SLC30A7: variants seen among roughly 807,000 people sequenced by gnomAD.
SLC30A7 encodes zinc transporter 7.
SLC30A7 carries 35 observed loss-of-function variants against 46.0 expected under a neutral mutation model. That is an observed-to-expected ratio of 0.76 (90% CI 0.58 to 1.01). The LOEUF (loss-of-function observed/expected upper bound fraction) is 1.01, where lower values mean the gene tolerates loss of function less well. Among genes scored for constraint, SLC30A7 ranks in the 50% least tolerant of loss-of-function variants. The probability of loss-of-function intolerance (pLI) is 0.00; values close to 1 mark genes in which losing one functional copy is unlikely to be tolerated. For missense variants in SLC30A7, 464 were observed against 451.1 expected, an observed-to-expected ratio of 1.03 and a Z score of -0.26; for synonymous variants, 147 against 157.8, an observed-to-expected ratio of 0.93 and a Z score of 0.51.
At chr1:100,932,978 C>CTTTTTTT (rs995801710) in intron 8 of SLC30A7, among the ~76,000 whole-genome samples, 11 of 138,070 alleles carry the variant, frequency 8.0e-5, no homozygotes, top group East Asian at 2.1e-4. Flanking sequence ...TTTCTTTTTT[C>CTTTTTTT]TTTTTTTTTT....
In SLC30A7 at chr1:100,976,713, TAG is replaced by T. The variant is rs1295514246; in HGVS notation, c.*1859_*1860del. ...AGAAATCCCTGTTGATTCTAAGTTT[TAG>T]AGTGTCTTTTCCCCTATTTCTGACC... is the stretch of plus-strand genomic sequence containing the variant. On this transcript the variant is annotated 3_prime_UTR_variant, in exon 11 of 11. Coordinates refer to ENST00000357650, the MANE Select transcript of SLC30A7 (RefSeq NM_133496.5). 1 of 152,680 alleles carries T rather than the reference TAG, an allele frequency of 6.5e-6. No individual in the cohort carries two copies. Among genetic ancestry groups the T allele is most frequent in the Non-Finnish European group, 1.5e-5 (1 of 68,048 alleles). 9.5% of individuals were successfully genotyped at this position (152,680 alleles called of 1,614,324 possible). A position where few individuals can be genotyped will look rare whatever the true frequency, so the allele number is the denominator to read the frequency against.
intron 8 of SLC30A7, among the ~76,000 whole-genome samples, chr1:100,958,638 A>T (rs1655368068): frequency 6.6e-6 from 1 of 152,160 alleles, no homozygotes; most frequent in Non-Finnish European, 1.5e-5. Flanking sequence ...ATGATTCCAT[A>T]TATTATTTAA....
chr1:100,921,667 C>T, intron 7 of SLC30A7, 39 bp from the exon 8 acceptor site: 1 of 1,543,456 alleles, frequency 6.5e-7, no homozygotes, highest in Non-Finnish European at 8.9e-7. Flanking sequence ...TTAAATTAAC[C>T]AAAAGACTGT....
chr1:100,967,990 G>T (rs982867002), intron 10 of SLC30A7, among the ~76,000 whole-genome samples: 1 of 152,056 alleles, frequency 6.6e-6, no homozygotes, highest in Non-Finnish European at 1.5e-5. Flanking sequence ...TCATGTTGAA[G>T]GATTTAATGG....
intron 6 of SLC30A7, among the ~76,000 whole-genome samples, chr1:100,915,664 T>C (rs1042313925): frequency 6.6e-6 from 1 of 152,222 alleles, no homozygotes; most frequent in African/African-American, 2.4e-5. Flanking sequence ...ACCACATTGC[T>C]TTATCCATTC....
downstream of SLC30A7, among the ~76,000 whole-genome samples, chr1:100,986,598 T>C (rs1570626101): frequency 6.6e-6 from 1 of 152,206 alleles, no homozygotes; most frequent in East Asian, 1.9e-4. Flanking sequence ...AACCATGTGA[T>C]CCAGCAATCC....
At chr1:100,988,870 A>G in the SLC30A7 span, among the ~76,000 whole-genome samples, 1 of 151,930 alleles carries the variant, frequency 6.6e-6, no homozygotes, top group Non-Finnish European at 1.5e-5. Flanking sequence ...AAATAAATAA[A>G]TAAAAAATAA....
chr1:100,955,597 A>C (rs962918784), intron 8 of SLC30A7, among the ~76,000 whole-genome samples: 3 of 152,082 alleles, frequency 2.0e-5, no homozygotes, highest in Non-Finnish European at 2.9e-5. Context: ...TGTAGCTCTA[A>C]GTCTTAGCTC....
At chr1:100,953,737 C>T (rs1407627521) in intron 8 of SLC30A7, among the ~76,000 whole-genome samples, 1 of 152,014 alleles carries the variant, frequency 6.6e-6, no homozygotes, top group African/African-American at 2.4e-5. Flanking sequence ...AGCTTTTTGC[C>T]CAATACTGTA....
intron 2 of SLC30A7, among the ~76,000 whole-genome samples, chr1:100,904,965 T>G (rs975462342): frequency 1.3e-5 from 2 of 152,216 alleles, no homozygotes; most frequent in African/African-American, 4.8e-5. Context: ...ACAACTTTCC[T>G]TCTCCATTCT....
intron 6 of SLC30A7, among the ~76,000 whole-genome samples, chr1:100,917,265 G>T (rs933641713): frequency 2.0e-5 from 3 of 152,170 alleles, no homozygotes; most frequent in African/African-American, 7.2e-5. Context: ...CCATACAGCA[G>T]TACAATATCT....
chr1:100,964,635 A>G (rs1476668315), intron 9 of SLC30A7, among the ~76,000 whole-genome samples: 1 of 152,130 alleles, frequency 6.6e-6, no homozygotes, highest in East Asian at 1.9e-4. Context: ...AATTTGTAAA[A>G]TTAAGCCAGT....
chr1:100,909,211 A>G (rs1285342788), intron 3 of SLC30A7, among the ~76,000 whole-genome samples: 1 of 152,156 alleles, frequency 6.6e-6, no homozygotes, highest in Non-Finnish European at 1.5e-5. Flanking sequence ...CATGTTAAGC[A>G]TAGGGTTGAA....
At chr1:100,905,531 A>T (rs1651600100) in intron 2 of SLC30A7, among the ~76,000 whole-genome samples, 1 of 151,760 alleles carries the variant, frequency 6.6e-6, no homozygotes, top group African/African-American at 2.4e-5. Flanking sequence ...CTCTAAATAC[A>T]TGTATTTTAG....
chr1:100,910,668 A>T (rs969894487), intron 3 of SLC30A7, among the ~76,000 whole-genome samples: 1 of 152,120 alleles, frequency 6.6e-6, no homozygotes, highest in African/African-American at 2.4e-5. Context: ...TAATAAGTTT[A>T]AAAAACCCCC....
chr1:100,944,404 GT>G (rs1654511697), intron 8 of SLC30A7, among the ~76,000 whole-genome samples: 1 of 151,990 alleles, frequency 6.6e-6, no homozygotes. Flanking sequence ...TCAAAGAAAA[GT>G]AAGTCAAAAA....
In SLC30A7 at chr1:100,910,984, C is replaced by T. The variant is rs1652050687; in HGVS notation, c.297-79C>T. 18 of 1,130,600 alleles carry T rather than the reference C, an allele frequency of 1.6e-5. No individual in the cohort carries two copies. In the South Asian group the frequency reaches 2.4e-4, roughly 15 times the overall value. 70.0% of individuals were successfully genotyped at this position (1,130,600 alleles called of 1,614,324 possible). ...ATAACCATGTAATATGGTTTGGAAT[C>T]TCTGAATGTATGTAATTTTACGATT... On this transcript the variant is annotated intron_variant, in intron 3 of 10. Transcript: ENST00000357650.
chr1:100,905,357 T>G (rs1457399608), intron 2 of SLC30A7, among the ~76,000 whole-genome samples: 3 of 152,130 alleles, frequency 2.0e-5, no homozygotes, highest in Non-Finnish European at 4.4e-5. Context: ...TTCTCTTTGA[T>G]GTTTAGTGGT....
downstream of SLC30A7, among the ~76,000 whole-genome samples, chr1:100,984,250 C>A (rs1404222013): frequency 6.6e-6 from 1 of 152,118 alleles, no homozygotes; most frequent in Non-Finnish European, 1.5e-5. Flanking sequence ...TGTACCCCCA[C>A]CACATGGAGC....
Sources: gnomAD v4.1 joint callset for allele counts (sites outside exome capture counted in the v4.1 genomes callset) on GRCh38, gnomAD v4.1.1 for gene constraint, MANE v1.5 for transcripts, NCBI Gene and HGNC (gene_info 2026-07-23, HGNC 2026-07-21) for gene names.